Variants in STRN observed in about 807,000 individuals in gnomAD.
The protein encoded by STRN is striatin.
Under a neutral mutation model 96.3 loss-of-function variants are expected in STRN, and 53 were observed. The observed-to-expected ratio is 0.55, with a 90% CI of 0.44 to 0.69. The LOEUF (loss-of-function observed/expected upper bound fraction) is 0.69. Among genes scored for constraint, STRN ranks in the 30% least tolerant of loss-of-function variants. STRN has a pLI of 0.00. For synonymous variants in STRN, 428 were observed against 355.9 expected (o/e 1.20, Z -2.28); for missense variants, 987 against 963.9 (o/e 1.02, Z -0.32).
intron 4 of STRN, among the ~76,000 whole-genome samples, chr2:36,905,092 C>A (rs1014611761): frequency 6.6e-6 from 1 of 151,852 alleles, no homozygotes; most frequent in Non-Finnish European, 1.5e-5. Context: ...GCCTCAGCCT[C>A]CCAAGAAGCT....
intron 1 of STRN, among the ~76,000 whole-genome samples, chr2:36,951,470 T>C (rs773123554): frequency 2.6e-5 from 4 of 152,228 alleles, no homozygotes; most frequent in African/African-American, 7.2e-5. Flanking sequence ...AAGGGACAGA[T>C]ACACTGCTCG....
chr2:36,900,648 T>C (rs750067376), intron 5 of STRN, among the ~76,000 whole-genome samples: 21 of 152,146 alleles, frequency 1.4e-4, no homozygotes, highest in Admixed American at 3.9e-4. Context: ...CCCAGCACTT[T>C]GGGAGGCTGA....
intron 11 of STRN, among the ~76,000 whole-genome samples, chr2:36,869,058 C>T (rs904528808): frequency 1.3e-5 from 2 of 152,120 alleles, no homozygotes; most frequent in Admixed American, 6.6e-5. Context: ...TGAGTCTAGA[C>T]ATATTGGTGG....
At position 36,842,254 on chromosome 2, in the gene STRN, C is replaced by T. The variant is rs547220125; in HGVS notation, c.*7202G>A. Reference sequence around the variant, plus strand: ...AATTGTGGATGATGGGTTTCCCTACCATTACCCTTAATTTGATGCTATTAG... The same window carrying T: ...AATTGTGGATGATGGGTTTCCCTACTATTACCCTTAATTTGATGCTATTAG... On this transcript the variant is annotated 3_prime_UTR_variant, in exon 18 of 18. Transcript: ENST00000263918. 6.6e-6 allele frequency: 1 copy of T among 152,034 alleles called. No homozygotes were observed. 9.4% of individuals were successfully genotyped at this position (152,034 alleles called of 1,614,324 possible). A position where few individuals can be genotyped will look rare whatever the true frequency, so the allele number is the denominator to read the frequency against.
In STRN at chr2:36,838,771, A is replaced by G. The variant is rs1338425804; in HGVS notation, c.*10685T>C. On this transcript the variant is annotated 3_prime_UTR_variant, in exon 18 of 18. Coordinates refer to ENST00000263918, the MANE Select transcript of STRN (RefSeq NM_003162.4). The stretch of plus-strand genomic sequence containing the variant: ...TCATGGTGACAAACATATACACAGG[A>G]ATGTTTATTGTAATAATAAAAAGGA... Among the ~76,000 whole-genome samples, 1 of 152,206 alleles carries G rather than the reference A, an allele frequency of 6.6e-6. No individual in the cohort carries two copies. Among genetic ancestry groups the G allele is most frequent in the African/African-American group, 2.4e-5 (1 of 41,458 alleles).
intron 1 of STRN, among the ~76,000 whole-genome samples, chr2:36,950,969 T>G (rs1664739344): frequency 6.6e-6 from 1 of 152,096 alleles, no homozygotes; most frequent in Non-Finnish European, 1.5e-5. Flanking sequence ...AGTTTAAATA[T>G]CATAAGATAT....
rs906649748 is a variant in STRN, at chr2:36,876,583, C to T, written c.1323+1308G>A. Among the ~76,000 whole-genome samples the T allele has an allele frequency of 9.9e-5, 15 of 152,016 alleles. 1 individual carries two copies. The highest frequency in any genetic ancestry group is 2.9e-5 in the Non-Finnish European group (2 of 68,016). On this transcript the variant is annotated intron_variant, in intron 10 of 17. Transcript: ENST00000263918. ...TTACTTAGGCATCCATCCTACATCC[C>T]CTGCATGGTACCTGTGCTGCAAGAG...
At chr2:36,952,351 C>G (rs1395984148) in intron 1 of STRN, among the ~76,000 whole-genome samples, 1 of 150,112 alleles carries the variant, frequency 6.7e-6, no homozygotes, top group African/African-American at 2.5e-5. Flanking sequence ...ACAGGTTTCC[C>G]AGAATTAATG....
At chr2:36,897,893 G>A (rs1300029545) in intron 6 of STRN, among the ~76,000 whole-genome samples, 14 of 151,926 alleles carry the variant, frequency 9.2e-5, no homozygotes, top group Non-Finnish European at 1.3e-4. Flanking sequence ...GTCTTGCTAT[G>A]TTGCCTAGGC....
rs565469459 is a variant in STRN, at chr2:36,837,913, A to T, written c.*11543T>A. Among the ~76,000 whole-genome samples, 8 of 152,386 alleles carry T rather than the reference A, an allele frequency of 5.2e-5. No individual in the cohort carries two copies. The South Asian group carries it at 1.7e-3, about 32-fold the overall frequency. On this transcript the variant is annotated 3_prime_UTR_variant, in exon 18 of 18. Transcript: ENST00000263918. Reference sequence around the variant, plus strand: ...ATAAGAAAAATTTAAAAATGTATATAAAAGTATAACTACGAATATTTGTGG... The same window carrying T: ...ATAAGAAAAATTTAAAAATGTATATTAAAGTATAACTACGAATATTTGTGG...
intron 15 of STRN, among the ~76,000 whole-genome samples, chr2:36,854,338 C>T (rs560678061): frequency 6.6e-6 from 1 of 152,066 alleles, no homozygotes; most frequent in Admixed American, 6.6e-5. Flanking sequence ...ATTTATTTTC[C>T]TGTCTCTCTC....
At position 36,844,567 on chromosome 2, in the gene STRN, C is replaced by G. The variant is rs1235276149; in HGVS notation, c.*4889G>C. ...GGTCCTGGTTAAATTAAATCTAAAG[C>G]TTGGATTAGCAAAGATCCAGAAAAT... On this transcript the variant is annotated 3_prime_UTR_variant, in exon 18 of 18. Coordinates refer to ENST00000263918, the MANE Select transcript of STRN (RefSeq NM_003162.4). 6.6e-6 allele frequency: 1 copy of G among 152,050 alleles called. No homozygotes were observed. The highest frequency in any genetic ancestry group is 1.5e-5 in the Non-Finnish European group (1 of 67,998). The allele number at this position is 152,050 out of a possible 1,614,324, so 9.4% of individuals were successfully genotyped here.
intron 6 of STRN, 126 bp from the exon 7 acceptor site, chr2:36,894,159 A>G (rs1361977847): frequency 3.8e-6 from 4 of 1,048,780 alleles, no homozygotes; most frequent in East Asian, 2.8e-5. Flanking sequence ...TACCTAACTC[A>G]GTGAAAATCA....
chr2:36,952,752 G>GC (rs1664790877), intron 1 of STRN, among the ~76,000 whole-genome samples: 1 of 152,186 alleles, frequency 6.6e-6, no homozygotes, highest in Non-Finnish European at 1.5e-5. Flanking sequence ...AATTACTAGG[G>GC]CCATGGATAC....
At chr2:36,878,990 T>C (rs757821995) in intron 9 of STRN, among the ~76,000 whole-genome samples, 1 of 151,850 alleles carries the variant, frequency 6.6e-6, no homozygotes, top group Non-Finnish European at 1.5e-5. Context: ...TGACCTCAAG[T>C]GATCCACCTG....
At chr2:36,948,748 G>A (rs1211156730) in intron 1 of STRN, among the ~76,000 whole-genome samples, 2 of 152,262 alleles carry the variant, frequency 1.3e-5, no homozygotes, top group African/African-American at 4.8e-5. Flanking sequence ...CACCCTAATT[G>A]CCAAATGACA....
intron 6 of STRN, among the ~76,000 whole-genome samples, chr2:36,895,208 T>A (rs1234088154): frequency 6.6e-6 from 1 of 151,796 alleles, no homozygotes; most frequent in African/African-American, 2.4e-5. Context: ...GCACCTGTAG[T>A]CCCAGCTACT....
chr2:36,933,391 A>T (rs1273152128), intron 1 of STRN, among the ~76,000 whole-genome samples: 2 of 152,204 alleles, frequency 1.3e-5, no homozygotes, highest in Non-Finnish European at 2.9e-5. Context: ...ACATCAAAGG[A>T]TAACTGTATA....
intron 3 of STRN, among the ~76,000 whole-genome samples, chr2:36,913,169 C>T (rs914561840): frequency 6.6e-6 from 1 of 152,144 alleles, no homozygotes; most frequent in African/African-American, 2.4e-5. Context: ...CACACTACAG[C>T]CCACGTAATC....
Sources: allele counts gnomAD v4.1 joint callset (sites outside exome capture counted in the v4.1 genomes callset), GRCh38; gene constraint gnomAD v4.1.1; transcripts MANE v1.5; gene names NCBI Gene and HGNC (gene_info 2026-07-23, HGNC 2026-07-21).